The following DNM3 variants were observed in gnomAD, a reference collection of about 807,000 sequenced individuals.
DNM3 encodes dynamin 3, also known as dynamin-3.
A neutral mutation model predicts 101.6 loss-of-function variants in DNM3; 47 were observed. That is an observed-to-expected ratio of 0.46 (90% CI 0.37 to 0.59). The LOEUF is 0.59. Ranked by LOEUF, DNM3 falls within the 20% of genes least tolerant of loss-of-function variation. The pLI, the probability that DNM3 is intolerant of heterozygous loss-of-function variation, is 0.00. For synonymous variants in DNM3, 385 were observed against 387.9 expected (o/e 0.99, Z 0.09); for missense variants, 849 against 1,085.7 (o/e 0.78, Z 3.06).
chr1:172,008,154 G>T (rs1404132904), intron 4 of DNM3, among the ~76,000 whole-genome samples: 1 of 151,582 alleles, frequency 6.6e-6, no homozygotes, highest in Admixed American at 6.6e-5. Flanking sequence ...TATTTTGTAG[G>T]TTGTCTCTTT....
rs1252780956 is a variant in DNM3 at position 172,334,743 on chromosome 1, T to TACCAAAC, written c.1893+11404_1893+11405insCCAAACA. Among the ~76,000 whole-genome samples the TACCAAAC allele has an allele frequency of 9.3e-3, 1,411 of 152,058 alleles. 26 individuals carry two copies. Among genetic ancestry groups the TACCAAAC allele is most frequent in the African/African-American group, 0.032 (1,332 of 41,554 alleles). ...TGATTTGCTGGTTTGCCTTAGGAAG[T>TACCAAAC]ATGATAATAACCAAACAGATTTTCA... is the stretch of plus-strand genomic sequence containing the variant. On this transcript the variant is annotated intron_variant, in intron 17 of 20. Transcript: ENST00000627582.
chr1:171,901,611 T>A (rs1458708273), intron 1 of DNM3, among the ~76,000 whole-genome samples: 1 of 152,132 alleles, frequency 6.6e-6, no homozygotes, highest in Non-Finnish European at 1.5e-5. Flanking sequence ...GGAATAATAA[T>A]GCCAATAAAA....
intron 2 of DNM3, among the ~76,000 whole-genome samples, chr1:171,923,343 C>T (rs909698953): frequency 9.9e-5 from 15 of 151,954 alleles, no homozygotes; most frequent in African/African-American, 3.6e-4. Flanking sequence ...TTTCCTTTGC[C>T]TAGTTTTAAA....
chr1:172,228,479 A>T (rs2061218534), intron 14 of DNM3, among the ~76,000 whole-genome samples: 1 of 152,048 alleles, frequency 6.6e-6, no homozygotes, highest in Admixed American at 6.6e-5. Context: ...TTTTATATTA[A>T]ATTTAAATCT....
At chr1:172,359,650 G>C (rs2067642091) in intron 17 of DNM3, among the ~76,000 whole-genome samples, 4 of 150,860 alleles carry the variant, frequency 2.7e-5, no homozygotes, top group Admixed American at 2.6e-4. Context: ...ACCTTAAGTA[G>C]CTCTTGGCAG....
intron 2 of DNM3, among the ~76,000 whole-genome samples, chr1:171,964,836 T>A (rs2043457730): frequency 1.3e-5 from 2 of 151,942 alleles, no homozygotes; most frequent in South Asian, 4.2e-4. Flanking sequence ...CCTCAGTGAT[T>A]TCTCTTCCCT....
At chr1:172,380,725 G>A (rs2149060838) in intron 18 of DNM3, 1 of 152,128 alleles carries the variant, frequency 6.6e-6, no homozygotes, top group Non-Finnish European at 1.5e-5. Context: ...CAAATAGTCT[G>A]TGTATTTTTA....
Position 171,907,883 on chromosome 1 carries a change from A to G in DNM3, c.162-13865A>G, listed in dbSNP as rs138140925. ...TATGTTCAATGATAACTACTTTTTCATGTTGACATACAGAATTGGAATATA... is the reference window on the plus strand; with the variant it reads ...TATGTTCAATGATAACTACTTTTTCGTGTTGACATACAGAATTGGAATATA... On this transcript the variant is annotated intron_variant, in intron 1 of 20. Coordinates refer to ENST00000627582, the MANE Select transcript of DNM3 (RefSeq NM_015569.5). 6.8e-3 allele frequency among the ~76,000 whole-genome samples: 1,043 copies of G among 152,322 alleles called. 8 individuals are homozygous for G. The highest frequency in any genetic ancestry group is 0.027 in the Middle Eastern group (8 of 294).
At chr1:172,138,144 T>G (rs1048059380) in intron 14 of DNM3, 1 of 152,082 alleles carries the variant, frequency 6.6e-6, no homozygotes, top group Non-Finnish European at 1.5e-5. Flanking sequence ...ATCAAAAATT[T>G]CAACTTTCCA....
At chr1:172,062,854 T>A (rs1042914152) in intron 10 of DNM3, among the ~76,000 whole-genome samples, 2 of 150,920 alleles carry the variant, frequency 1.3e-5, no homozygotes, top group East Asian at 1.9e-4. Context: ...GTTTAAAAAA[T>A]TTTTTTCATA....
intron 2 of DNM3, among the ~76,000 whole-genome samples, chr1:171,978,962 G>GAT (rs1303797847): frequency 3.9e-5 from 6 of 152,016 alleles, no homozygotes; most frequent in African/African-American, 1.2e-4. Flanking sequence ...GAATTTAGAG[G>GAT]ATATATATAT....
intron 18 of DNM3, among the ~76,000 whole-genome samples, chr1:172,381,974 G>A (rs1163306104): frequency 6.6e-6 from 1 of 152,154 alleles, no homozygotes; most frequent in African/African-American, 2.4e-5. Context: ...TTCTGAAAAA[G>A]AATATGTTTC....
At chr1:171,926,891 A>G (rs2040614158) in intron 2 of DNM3, among the ~76,000 whole-genome samples, 1 of 152,190 alleles carries the variant, frequency 6.6e-6, no homozygotes, top group South Asian at 2.1e-4. Context: ...AGGGGAAGGA[A>G]CTTCCTCAAC....
chr1:172,374,479 G>T (rs1368578300), intron 17 of DNM3, among the ~76,000 whole-genome samples: 4 of 152,018 alleles, frequency 2.6e-5, no homozygotes, highest in African/African-American at 9.7e-5. Flanking sequence ...AGAAAGAAAT[G>T]ATTCTACTCA....
chr1:172,052,459 G>T (rs936464887), intron 10 of DNM3, among the ~76,000 whole-genome samples: 5 of 152,064 alleles, frequency 3.3e-5, no homozygotes, highest in African/African-American at 1.2e-4. Flanking sequence ...TCCTCTCATG[G>T]TCAGCCTTCT....
At chr1:171,853,145 G>A (rs1024499238) in intron 1 of DNM3, among the ~76,000 whole-genome samples, 5 of 151,810 alleles carry the variant, frequency 3.3e-5, no homozygotes, top group Admixed American at 6.6e-5. Context: ...GGTTAAGGGT[G>A]TTTTAGAGGT....
rs147472181 is a variant in DNM3 at position 172,278,380 on chromosome 1, C to T, written c.1769+24698C>T. 7.6e-3 allele frequency among the ~76,000 whole-genome samples: 1,154 copies of T among 152,062 alleles called. 11 individuals carry two copies. The highest frequency in any genetic ancestry group is 0.051 in the Middle Eastern group (15 of 294). On this transcript the variant is annotated intron_variant, in intron 15 of 20. Transcript: ENST00000627582. The stretch of plus-strand genomic sequence containing the variant: ...ACATTGGAAGAAGAATTGTCTTGGG[C>T]CACACATAAAATACACTAAAACTAA...
intron 2 of DNM3, among the ~76,000 whole-genome samples, chr1:171,952,054 A>C (rs1350880668): frequency 6.6e-6 from 1 of 152,174 alleles, no homozygotes; most frequent in Non-Finnish European, 1.5e-5. Context: ...AGTCAGTGGA[A>C]AAATATTCTT....
intron 14 of DNM3, among the ~76,000 whole-genome samples, chr1:172,216,236 C>T (rs1572984311): frequency 1.3e-5 from 2 of 151,948 alleles, no homozygotes; most frequent in African/African-American, 2.4e-5. Context: ...AGGTATAATT[C>T]CCTTGGAAGA....
Sources: gnomAD v4.1 joint callset for allele counts (sites outside exome capture counted in the v4.1 genomes callset) on GRCh38, gnomAD v4.1.1 for gene constraint, MANE v1.5 for transcripts, NCBI Gene and HGNC (gene_info 2026-07-23, HGNC 2026-07-21) for gene names.